The following UBE2E3 variants were observed in gnomAD, a reference collection of about 807,000 sequenced individuals.
The protein encoded by UBE2E3 is ubiquitin conjugating enzyme E2 E3, also known as ubiquitin-conjugating enzyme E2 E3.
In UBE2E3, 5 loss-of-function variants were observed where a neutral mutation model predicts 23.6. The observed-to-expected ratio is 0.21, with a 90% CI of 0.11 to 0.44. The LOEUF (loss-of-function observed/expected upper bound fraction) is 0.44, where lower values mean the gene tolerates loss of function less well. UBE2E3 is among the 20% of genes least tolerant of loss of function. UBE2E3 has a pLI of 0.99. For missense variants in UBE2E3, 81 were observed against 249.8 expected, an observed-to-expected ratio of 0.32 and a Z score of 4.55; for synonymous variants, 78 against 87.5, an observed-to-expected ratio of 0.89 and a Z score of 0.60.
At chr2:180,996,622 A>G (rs1387787319) in intron 3 of UBE2E3, among the ~76,000 whole-genome samples, 1 of 152,134 alleles carries the variant, frequency 6.6e-6, no homozygotes, top group Non-Finnish European at 1.5e-5. Context: ...GGCCACCAAA[A>G]CCTGCCTCTT....
At chr2:181,028,822 G>T (rs1408049023) in intron 3 of UBE2E3, among the ~76,000 whole-genome samples, 1 of 151,748 alleles carries the variant, frequency 6.6e-6, no homozygotes, top group Admixed American at 6.6e-5. Context: ...TTAATGACTT[G>T]GTTCTTTTAT....
At chr2:181,024,977 C>T (rs1685838219) in intron 3 of UBE2E3, among the ~76,000 whole-genome samples, 1 of 151,966 alleles carries the variant, frequency 6.6e-6, no homozygotes, top group Non-Finnish European at 1.5e-5. Flanking sequence ...CTTTTATGAT[C>T]TGTTTTGACA....
At chr2:181,014,719 A>T (rs1421852728) in intron 3 of UBE2E3, among the ~76,000 whole-genome samples, 2 of 152,096 alleles carry the variant, frequency 1.3e-5, no homozygotes, top group African/African-American at 2.4e-5. Context: ...ATTATTTTTT[A>T]AATTTTTATT....
intron 3 of UBE2E3, among the ~76,000 whole-genome samples, chr2:181,027,980 A>T (rs919592510): frequency 6.6e-6 from 1 of 151,918 alleles, no homozygotes; most frequent in Admixed American, 6.6e-5. Flanking sequence ...GTATCATTGA[A>T]TCTCTATATG....
chr2:181,028,003 A>T (rs1046776887), intron 3 of UBE2E3, among the ~76,000 whole-genome samples: 14 of 151,982 alleles, frequency 9.2e-5, no homozygotes, highest in Non-Finnish European at 2.1e-4. Flanking sequence ...GTCTGTCCCT[A>T]TTCAGTCACT....
intron 3 of UBE2E3, among the ~76,000 whole-genome samples, chr2:181,046,428 T>C (rs986031627): frequency 6.6e-6 from 1 of 152,180 alleles, no homozygotes; most frequent in Non-Finnish European, 1.5e-5. Flanking sequence ...TTAGAGTCTG[T>C]GTTTAGTTTA....
chr2:181,002,089 A>G (rs576715163), intron 3 of UBE2E3, among the ~76,000 whole-genome samples: 2 of 152,284 alleles, frequency 1.3e-5, no homozygotes, highest in South Asian at 4.1e-4. Flanking sequence ...AGAAATACAT[A>G]TGGCCTTCCA....
intron 3 of UBE2E3, among the ~76,000 whole-genome samples, chr2:181,022,165 A>T (rs539586865): frequency 6.6e-6 from 1 of 152,208 alleles, no homozygotes; most frequent in Non-Finnish European, 1.5e-5. Context: ...CAAACATACT[A>T]TAAGTTTAGG....
intron 3 of UBE2E3, among the ~76,000 whole-genome samples, chr2:181,034,886 T>A (rs1028489219): frequency 3.9e-5 from 6 of 152,162 alleles, no homozygotes; most frequent in South Asian, 2.1e-4. Flanking sequence ...ATTTGAAGAA[T>A]TTAAAAAGTT....
At position 181,025,034 on chromosome 2, in the gene UBE2E3, T is replaced by TA. The variant is rs535131549; in HGVS notation, c.246-32658dup. 5.9e-5 allele frequency among the ~76,000 whole-genome samples: 9 copies of TA among 152,142 alleles called. No homozygotes were observed. In the East Asian group the frequency reaches 1.3e-3, roughly 23 times the overall value. On this transcript the variant is annotated intron_variant, in intron 3 of 5. Transcript: ENST00000410062. ...GTTAATAAAGGTTTTTAGAATTCAC[T>TA]ATAAGCCTTTCATGTGGCTTTAGTT...
rs948328462 is a variant in UBE2E3, at chr2:181,062,751, T to G, written c.527-40T>G. ...TATTAGAACTATACCTTGAAGAAGA[T>G]ACCACAAAATAGCTTTTAATGTTCT... On this transcript the variant is annotated intron_variant, in intron 5 of 5. Transcript: ENST00000410062. 4 of 1,255,856 alleles carry G rather than the reference T, an allele frequency of 3.2e-6. No homozygotes were observed. In the African/African-American group the frequency reaches 5.9e-5, roughly 19 times the overall value. The allele number at this position is 1,255,856 out of a possible 1,614,324, so 77.8% of individuals were successfully genotyped here.
At chr2:181,006,198 C>T (rs976979980) in intron 3 of UBE2E3, among the ~76,000 whole-genome samples, 3 of 152,104 alleles carry the variant, frequency 2.0e-5, no homozygotes, top group Non-Finnish European at 4.4e-5. Context: ...ATAAAATAAA[C>T]AGTGAGAGCT....
chr2:180,984,855 ATTC>A (rs944777763), intron 3 of UBE2E3, among the ~76,000 whole-genome samples: 26 of 151,894 alleles, frequency 1.7e-4, no homozygotes, highest in African/African-American at 6.0e-4. Context: ...ATAGCGCTCT[ATTC>A]TTTTTTTAAT....
chr2:181,035,645 C>T (rs1012785606), intron 3 of UBE2E3, among the ~76,000 whole-genome samples: 2 of 152,188 alleles, frequency 1.3e-5, no homozygotes, highest in African/African-American at 2.4e-5. Flanking sequence ...TCTAGCCCAA[C>T]ACAAATTCGA....
intron 3 of UBE2E3, among the ~76,000 whole-genome samples, chr2:181,025,403 A>AT (rs11456321): frequency 0.78 from 118,390 of 151,604 alleles, 46,506 homozygotes; most frequent in East Asian, 0.91. Context: ...GATATTATCT[A>AT]TTTTTTCCCT....
chr2:181,041,816 A>G (rs1467334480), intron 3 of UBE2E3, among the ~76,000 whole-genome samples: 1 of 152,156 alleles, frequency 6.6e-6, no homozygotes, highest in African/African-American at 2.4e-5. Flanking sequence ...TTGAATGACA[A>G]CCAAACCACT....
At chr2:181,009,523 TA>T (rs1559119917) in intron 3 of UBE2E3, among the ~76,000 whole-genome samples, 9 of 90,370 alleles carry the variant, frequency 1.0e-4, no homozygotes, top group African/African-American at 3.1e-4. Flanking sequence ...ATATTTATAC[TA>T]GGCTTTATTT....
chr2:181,011,309 A>G (rs1402282490), intron 3 of UBE2E3, among the ~76,000 whole-genome samples: 2 of 151,990 alleles, frequency 1.3e-5, no homozygotes, highest in Non-Finnish European at 2.9e-5. Flanking sequence ...TTCAAGAGAG[A>G]GAGGTGATGG....
chr2:181,028,550 T>C (rs1165028251), intron 3 of UBE2E3, among the ~76,000 whole-genome samples: 1 of 152,168 alleles, frequency 6.6e-6, no homozygotes, highest in Non-Finnish European at 1.5e-5. Context: ...CGCTGCAGGT[T>C]TATCAACTCT....
Sources: allele counts gnomAD v4.1 joint callset (sites outside exome capture counted in the v4.1 genomes callset), GRCh38; gene constraint gnomAD v4.1.1; transcripts MANE v1.5; gene names NCBI Gene and HGNC (gene_info 2026-07-23, HGNC 2026-07-21).